Variants in CUL5 observed in about 807,000 individuals in gnomAD.
CUL5 encodes the protein cullin 5.
A neutral mutation model predicts 108.8 loss-of-function variants in CUL5; 26 were observed. That is an observed-to-expected ratio of 0.24 (90% CI 0.18 to 0.33). The LOEUF (loss-of-function observed/expected upper bound fraction) is 0.33, where lower values mean the gene tolerates loss of function less well. CUL5 is among the 10% of genes least tolerant of loss of function. The pLI is 1.00. For synonymous variants in CUL5, 334 were observed against 298.0 expected (o/e 1.12, Z -1.25); for missense variants, 524 against 909.2 (o/e 0.58, Z 5.45).
chr11:108,079,569 A>G (rs777857127), intron 11 of CUL5, among the ~76,000 whole-genome samples: 2 of 152,218 alleles, frequency 1.3e-5, no homozygotes, highest in Non-Finnish European at 2.9e-5. Flanking sequence ...ACACTTCAGC[A>G]TACAGTCATT....
In CUL5 at chr11:108,054,707, C is replaced by T. The variant is rs751341507; in HGVS notation, c.614C>T (p.Ala205Val). Residue 205 changes from alanine to valine, a missense_variant, in exon 6 of 19, where the codon GCA becomes GTA. Around this residue, in one of 8 missense-constraint regions of CUL5, gnomAD observed 170 missense variants for 305.1 expected, o/e 0.56. Transcript: ENST00000393094. ...LQIYRDNFEKAYLDSTERFYR... is the reference protein window; with the variant it reads ...LQIYRDNFEKVYLDSTERFYR... ...ATTTATAGGGACAATTTTGAGAAGG[C>T]ATACTTGGATTCAACAGAGAGATTT... is the stretch of plus-strand genomic sequence containing the variant. 6.2e-7 allele frequency: 1 copy of T among 1,608,400 alleles called. No individual in the cohort carries two copies. The highest frequency in any genetic ancestry group is 8.5e-7 in the Non-Finnish European group (1 of 1,175,374).
At chr11:108,014,198 C>T (rs1862125418) in intron 1 of CUL5, among the ~76,000 whole-genome samples, 1 of 152,076 alleles carries the variant, frequency 6.6e-6, no homozygotes, top group African/African-American at 2.4e-5. Flanking sequence ...AGTGTTGGAG[C>T]TGGATTTTGA....
intron 7 of CUL5, among the ~76,000 whole-genome samples, chr11:108,062,115 C>T (rs1363656677): frequency 2.6e-5 from 4 of 152,178 alleles, no homozygotes; most frequent in African/African-American, 4.8e-5. Flanking sequence ...ATAATGTAAC[C>T]TATATGCACT....
chr11:108,107,098 C>T lies in CUL5; in HGVS notation c.*2714C>T, dbSNP rs1260356703. 6.6e-6 allele frequency: 1 copy of T among 151,472 alleles called. No individual in the cohort carries two copies. The highest frequency in any genetic ancestry group is 6.6e-5 in the Admixed American group (1 of 15,198). 9.4% of individuals were successfully genotyped at this position (151,472 alleles called of 1,614,324 possible). A position where few individuals can be genotyped will look rare whatever the true frequency, so the allele number is the denominator to read the frequency against. On this transcript the variant is annotated 3_prime_UTR_variant, in exon 19 of 19. Transcript: ENST00000393094. ...ACTATTCCAATGATTAAATGAGGAT[C>T]TTGAAATAAATTCTGAAGTCTTCCA... is the stretch of plus-strand genomic sequence containing the variant.
chr11:108,046,241 A>T, intron 2 of CUL5, 29 bp from the exon 3 acceptor site: 1 of 1,431,906 alleles, frequency 7.0e-7, no homozygotes, highest in Middle Eastern at 1.8e-4. Flanking sequence ...TTCATTATTA[A>T]TGTTTGTTTA....
chr11:108,011,626 T>TA lies in CUL5; in HGVS notation c.24+2256dup, dbSNP rs1487984842. On this transcript the variant is annotated intron_variant, in intron 1 of 18. Coordinates refer to ENST00000393094, the MANE Select transcript of CUL5 (RefSeq NM_003478.6). ...AAAACCACCAGCTTTTCTTTCTTTT[T>TA]AATTTTTTTTTTTTTGGAGGGGGAC... Among the ~76,000 whole-genome samples, 19 of 151,778 alleles carry TA rather than the reference T, an allele frequency of 1.3e-4. 1 individual carries two copies. In the East Asian group the frequency reaches 3.5e-3, roughly 28 times the overall value.
At chr11:108,037,658 C>T (rs1862781453) in intron 2 of CUL5, among the ~76,000 whole-genome samples, 2 of 152,174 alleles carry the variant, frequency 1.3e-5, no homozygotes, top group African/African-American at 2.4e-5. Flanking sequence ...ACCAGGGAAG[C>T]TAATTAGGGG....
At chr11:108,032,265 G>A (rs1289017964) in intron 1 of CUL5, among the ~76,000 whole-genome samples, 1 of 152,104 alleles carries the variant, frequency 6.6e-6, no homozygotes, top group Admixed American at 6.5e-5. Flanking sequence ...TCAGCATTTT[G>A]GGAGACTCAG....
At chr11:108,024,883 A>C (rs1207521448) in intron 1 of CUL5, among the ~76,000 whole-genome samples, 1 of 152,184 alleles carries the variant, frequency 6.6e-6, no homozygotes, top group Non-Finnish European at 1.5e-5. Flanking sequence ...CTCAATTTCA[A>C]GCATCCTACT....
intron 16 of CUL5, among the ~76,000 whole-genome samples, chr11:108,097,096 C>G (rs535181443): frequency 2.6e-4 from 40 of 152,292 alleles, no homozygotes; most frequent in African/African-American, 9.1e-4. Flanking sequence ...CAGCTCACTG[C>G]AACCTCCATC....
intron 7 of CUL5, 142 bp from the exon 8 acceptor site, chr11:108,069,954 A>G (rs912837876): frequency 6.7e-5 from 33 of 494,270 alleles, no homozygotes; most frequent in Non-Finnish European, 1.0e-4. Context: ...TCCATCTTCA[A>G]TAATCCTATA....
intron 1 of CUL5, among the ~76,000 whole-genome samples, chr11:108,023,796 C>A (rs540360141): frequency 6.6e-6 from 1 of 152,092 alleles, no homozygotes; most frequent in South Asian, 2.1e-4. Flanking sequence ...TCAAAAAATA[C>A]AAGTATTGCT....
intron 1 of CUL5, among the ~76,000 whole-genome samples, chr11:108,022,212 C>T (rs923072287): frequency 1.1e-4 from 16 of 151,948 alleles, no homozygotes; most frequent in Non-Finnish European, 1.6e-4. Context: ...TTGTCCCAGG[C>T]GTTATGTAGG....
chr11:108,026,487 A>G (rs1395892714), intron 1 of CUL5, among the ~76,000 whole-genome samples: 6 of 152,154 alleles, frequency 3.9e-5, no homozygotes, highest in East Asian at 3.9e-4. Context: ...TACGACATCT[A>G]TCCTTGTACC....
At chr11:108,024,792 T>A (rs1862417139) in intron 1 of CUL5, among the ~76,000 whole-genome samples, 1 of 152,082 alleles carries the variant, frequency 6.6e-6, no homozygotes, top group African/African-American at 2.4e-5. Flanking sequence ...TAAAAAAAAA[T>A]AGTAGAAAAT....
At chr11:108,102,036 T>C (rs1036641768) in intron 18 of CUL5, among the ~76,000 whole-genome samples, 1 of 152,178 alleles carries the variant, frequency 6.6e-6, no homozygotes, top group African/African-American at 2.4e-5. Flanking sequence ...TTTTATTTTA[T>C]TTTGAGACAG....
chr11:108,013,225 T>C (rs572626822), intron 1 of CUL5, among the ~76,000 whole-genome samples: 1 of 152,320 alleles, frequency 6.6e-6, no homozygotes, highest in Admixed American at 6.5e-5. Context: ...TTTCACTGAC[T>C]TCCCTCCCCT....
At chr11:108,059,482 A>T (rs1194248626) in intron 7 of CUL5, among the ~76,000 whole-genome samples, 2 of 152,168 alleles carry the variant, frequency 1.3e-5, no homozygotes, top group African/African-American at 2.4e-5. Flanking sequence ...AGGGTCATAC[A>T]TGTTGGAATT....
intron 3 of CUL5, 143 bp downstream of exon 3, chr11:108,046,512 T>A (rs1472233457): frequency 1.8e-6 from 1 of 549,380 alleles, no homozygotes; most frequent in Non-Finnish European, 3.2e-6. Flanking sequence ...AATTTATTAA[T>A]GAAATGATCG....
Sources: allele counts gnomAD v4.1 joint callset (sites outside exome capture counted in the v4.1 genomes callset), GRCh38; gene constraint gnomAD v4.1.1; regional missense constraint gnomAD v4.1.1; transcripts MANE v1.5; gene names NCBI Gene and HGNC (gene_info 2026-07-23, HGNC 2026-07-21).